Variants in PTGFRN observed in about 807,000 individuals in gnomAD.
PTGFRN encodes the protein prostaglandin F2 receptor inhibitor, also known as prostaglandin F2 receptor negative regulator.
In PTGFRN, 35 loss-of-function variants were observed where a neutral mutation model predicts 83.2. The ratio of observed to expected loss-of-function variants is 0.42; its 90% CI spans 0.32 to 0.56. The LOEUF (loss-of-function observed/expected upper bound fraction) is 0.56. Among genes scored for constraint, PTGFRN ranks in the 20% least tolerant of loss-of-function variants. PTGFRN has a pLI of 0.11. For missense variants in PTGFRN, 1,051 were observed against 1,179.5 expected, an observed-to-expected ratio of 0.89 and a Z score of 1.60; for synonymous variants, 519 against 498.6, an observed-to-expected ratio of 1.04 and a Z score of -0.55.
rs112666863 is a variant in PTGFRN at position 116,945,684 on chromosome 1, A to G, written c.832+592A>G. Among the ~76,000 whole-genome samples the G allele has an allele frequency of 2.7e-3, 400 of 150,006 alleles. 4 individuals carry two copies. Among genetic ancestry groups the G allele is most frequent in the African/African-American group, 9.5e-3 (386 of 40,744 alleles). On this transcript the variant is annotated intron_variant, in intron 3 of 8. Transcript: ENST00000393203. ...TGCTTTCCTGTATCATACAGACCAC[A>G]GGAGCATCCAGTCCTGGGGTCTGTA... is the stretch of plus-strand genomic sequence containing the variant.
At chr1:116,956,667 C>T (rs1477778874) in intron 4 of PTGFRN, among the ~76,000 whole-genome samples, 1 of 152,014 alleles carries the variant, frequency 6.6e-6, no homozygotes, top group East Asian at 1.9e-4. Context: ...TGGAGGGCCT[C>T]GAATGCCAGG....
chr1:116,952,755 G>A lies in PTGFRN; in HGVS notation c.1213+3183G>A, dbSNP rs186952623. Among the ~76,000 whole-genome samples, 1 of 152,286 alleles carries A rather than the reference G, an allele frequency of 6.6e-6. No homozygotes were observed. Among genetic ancestry groups the A allele is most frequent in the East Asian group, 1.9e-4 (1 of 5,184 alleles). ...ATGTGCTTTTTCATTTTGGGGCATT[G>A]GAAAAGATAATAGACAGGGCTTTCA... On this transcript the variant is annotated intron_variant, in intron 4 of 8. Coordinates refer to ENST00000393203, the MANE Select transcript of PTGFRN (RefSeq NM_020440.4). The surrounding 1 kb of genome is among the most constrained non-coding windows in gnomAD (Gnocchi z 4.0).
At chr1:116,946,172 T>TA (rs1650196546) in intron 3 of PTGFRN, among the ~76,000 whole-genome samples, 1 of 152,202 alleles carries the variant, frequency 6.6e-6, no homozygotes, top group Non-Finnish European at 1.5e-5. Flanking sequence ...GTGGCTCTGT[T>TA]ACTCAGATGG....
chr1:116,966,720 A>G (rs1427146243), intron 5 of PTGFRN, among the ~76,000 whole-genome samples, 191 bp from the exon 6 acceptor site: 1 of 152,228 alleles, frequency 6.6e-6, no homozygotes, highest in East Asian at 1.9e-4. Flanking sequence ...TCAGACTATT[A>G]CTTTCAATGG....
In PTGFRN at chr1:116,918,549, G is replaced by A. The variant is rs1277217638; in HGVS notation, c.49+8297G>A. Among the ~76,000 whole-genome samples, 1 of 152,200 alleles carries A rather than the reference G, an allele frequency of 6.6e-6. No individual in the cohort carries two copies. Among genetic ancestry groups the A allele is most frequent in the Non-Finnish European group, 1.5e-5 (1 of 68,042 alleles). On this transcript the variant is annotated intron_variant, in intron 1 of 8. Transcript: ENST00000393203. This position sits in a 1 kb window ranked among gnomAD's most constrained non-coding sequence, Gnocchi z 4.1. ...GCAGGGGATTCAAATGCATGCTAAA[G>A]TTTAAGAAGCATGTCTGGAGGAGGT...
intron 2 of PTGFRN, among the ~76,000 whole-genome samples, chr1:116,944,195 T>C (rs1650124618): frequency 6.6e-6 from 1 of 152,222 alleles, no homozygotes; most frequent in Non-Finnish European, 1.5e-5. Flanking sequence ...CTGCAGATTC[T>C]GCGGGCTCCC....
intron 1 of PTGFRN, among the ~76,000 whole-genome samples, chr1:116,920,043 G>T (rs956371930): frequency 6.6e-6 from 1 of 152,230 alleles, no homozygotes; most frequent in African/African-American, 2.4e-5. Context: ...CCCAGCCCTG[G>T]CTTCCTGCCC....
intron 7 of PTGFRN, among the ~76,000 whole-genome samples, chr1:116,975,530 C>T (rs1038329327): frequency 1.3e-5 from 2 of 152,202 alleles, no homozygotes; most frequent in African/African-American, 4.8e-5. Context: ...ACGAAGCTTC[C>T]AGAGGAACGA....
At position 116,988,421 on chromosome 1, in the gene PTGFRN, C is replaced by G. The variant is rs911451198; in HGVS notation, c.*1454C>G. ...CCTCCCGCTCCCTGAAGTGTCTCGC[C>G]CCCTGCACAGCACTGGCCTTTCGGA... is the stretch of plus-strand genomic sequence containing the variant. On this transcript the variant is annotated 3_prime_UTR_variant, in exon 9 of 9. Transcript: ENST00000393203. 1.3e-5 allele frequency: 2 copies of G among 152,714 alleles called. No homozygotes were observed. The highest frequency in any genetic ancestry group is 2.9e-5 in the Non-Finnish European group (2 of 68,116). The allele number at this position is 152,714 out of a possible 1,614,324, so 9.5% of individuals were successfully genotyped here.
At chr1:116,981,507 C>T (rs555115111) in intron 7 of PTGFRN, among the ~76,000 whole-genome samples, 1 of 152,356 alleles carries the variant, frequency 6.6e-6, no homozygotes, top group Non-Finnish European at 1.5e-5. Flanking sequence ...GGGCGGTGGC[C>T]TGCAGTGAAT....
intron 7 of PTGFRN, among the ~76,000 whole-genome samples, chr1:116,980,193 T>A (rs1157487982): frequency 2.0e-5 from 3 of 151,860 alleles, no homozygotes; most frequent in Non-Finnish European, 4.4e-5. Context: ...AGAATGGCAA[T>A]CATTAAAAAG....
At position 116,941,119 on chromosome 1, in the gene PTGFRN, G is replaced by A. The variant is rs540231708; in HGVS notation, c.50-596G>A. Among the ~76,000 whole-genome samples the A allele has an allele frequency of 6.6e-6, 1 of 152,326 alleles. No individual in the cohort carries two copies. The highest frequency in any genetic ancestry group is 6.5e-5 in the Admixed American group (1 of 15,304). On this transcript the variant is annotated intron_variant, in intron 1 of 8. Transcript: ENST00000393203. This position sits in a 1 kb window ranked among gnomAD's most constrained non-coding sequence, Gnocchi z 5.0. ...TGAATTTAGATCAGAACAAAGAGTA[G>A]AGAAGGAAATGAGCCAGAAAATAGA...
intron 8 of PTGFRN, 70 bp from the exon 9 acceptor site, chr1:116,986,731 G>A (rs1651498719): frequency 6.7e-7 from 1 of 1,492,724 alleles, no homozygotes. Context: ...GGGGAAGGGA[G>A]GCGAGGGTGC....
At chr1:116,974,102 C>G (rs989435800) in intron 6 of PTGFRN, 114 bp from the exon 7 acceptor site, 19 of 770,020 alleles carry the variant, frequency 2.5e-5, no homozygotes, top group Middle Eastern at 3.8e-4. Flanking sequence ...TTGTGAGTTT[C>G]TAGACCAGTT....
intron 1 of PTGFRN, among the ~76,000 whole-genome samples, chr1:116,921,298 T>C (rs976509445): frequency 1.3e-5 from 2 of 152,248 alleles, no homozygotes; most frequent in African/African-American, 2.4e-5. Context: ...ATTTGGTGTC[T>C]GTCCAGTGTA....
chr1:116,964,079 G>GCC (rs59288234), intron 5 of PTGFRN, among the ~76,000 whole-genome samples: 26,644 of 151,552 alleles, frequency 0.18, 2,534 homozygotes, highest in Middle Eastern at 0.25. Context: ...CGTGCCGGGC[G>GCC]CCCCCCCTTT....
At chr1:116,935,021 A>G (rs1649887078) in intron 1 of PTGFRN, among the ~76,000 whole-genome samples, 1 of 152,084 alleles carries the variant, frequency 6.6e-6, no homozygotes, top group African/African-American at 2.4e-5. Context: ...GTTTCCCCGT[A>G]TTGTGAAATG....
chr1:116,985,436 C>T (rs1422618998), intron 8 of PTGFRN, among the ~76,000 whole-genome samples: 2 of 152,084 alleles, frequency 1.3e-5, no homozygotes, highest in African/African-American at 2.4e-5. Context: ...CAGTGGCTCA[C>T]GCCTGTAACC....
intron 2 of PTGFRN, among the ~76,000 whole-genome samples, chr1:116,942,810 C>T (rs952243813): frequency 1.3e-5 from 2 of 152,100 alleles, no homozygotes; most frequent in Admixed American, 6.6e-5. Flanking sequence ...TTTTCCAAGT[C>T]CTTTTAGATT....
Sources: allele counts gnomAD v4.1 joint callset (sites outside exome capture counted in the v4.1 genomes callset), GRCh38; gene constraint gnomAD v4.1.1; non-coding constraint Gnocchi (gnomAD v3.1); transcripts MANE v1.5; gene names NCBI Gene and HGNC (gene_info 2026-07-23, HGNC 2026-07-21).